Variants in AR observed in about 807,000 individuals in gnomAD.
AR encodes the protein dihydrotestosterone receptor.
Under a neutral mutation model 53.9 loss-of-function variants are expected in AR, and 8 were observed. That is an observed-to-expected ratio of 0.15 (90% CI 0.09 to 0.27). The LOEUF (loss-of-function observed/expected upper bound fraction) is 0.27, where lower values mean the gene tolerates loss of function less well. AR is among the 10% of genes least tolerant of loss of function. The pLI is 1.00. For missense variants in AR, 639 were observed against 742.5 expected (o/e 0.86, Z 1.62); for synonymous variants, 359 against 316.4 (o/e 1.13, Z -1.43).
intron 3 of AR, among the ~76,000 whole-genome samples, chrX:67,707,682 A>G (rs1255079285): frequency 8.9e-6 from 1 of 111,735 alleles, no homozygotes; most frequent in Non-Finnish European, 1.9e-5. Context: ...TGATCCTGTC[A>G]TTGTGATGTT....
intron 2 of AR, among the ~76,000 whole-genome samples, chrX:67,656,990 A>G (rs1926622647): frequency 9.0e-6 from 1 of 110,623 alleles, no homozygotes; most frequent in Non-Finnish European, 1.9e-5. Flanking sequence ...AAAATGAGAG[A>G]GAGAGATCAC....
chrX:67,619,331 CTG>C (rs749055716), intron 1 of AR, among the ~76,000 whole-genome samples: 77 of 103,386 alleles, frequency 7.4e-4, no homozygotes, highest in African/African-American at 1.7e-3. Context: ...CTCTCTCTCT[CTG>C]TGTGTGTGTG....
rs137852598 is a variant in AR, at chrX:67,722,948, C to T, written c.2571C>T (p.Phe857=). 17 of 1,211,806 alleles carry T rather than the reference C, an allele frequency of 1.4e-5. No individual in the cohort carries two copies. In the East Asian group the frequency reaches 1.5e-4, roughly 11 times the overall value. The change falls in exon 7 of 8, where the codon TTC becomes TTT. Residue 857 remains phenylalanine, a synonymous_variant. Transcript: ENST00000374690. The part of the protein sequence containing the change: ...RKNPTSCSRR[F]YQLTKLLDSV... ...ATCCCACATCCTGCTCAAGACGCTT[C>T]TACCAGCTCACCAAGCTCCTGGACT...
chrX:67,657,517 G>A (rs1043966876), intron 2 of AR, among the ~76,000 whole-genome samples: 5 of 111,488 alleles, frequency 4.5e-5, no homozygotes, highest in Admixed American at 1.9e-4. Flanking sequence ...TCCTCCACTA[G>A]ACTGAGCTCT....
At chrX:67,707,060 A>G (rs1290195453) in intron 3 of AR, among the ~76,000 whole-genome samples, 1 of 111,781 alleles carries the variant, frequency 8.9e-6, no homozygotes, top group East Asian at 2.8e-4. Context: ...GGAGTGTTTT[A>G]CTTCCAACTC....
intron 2 of AR, among the ~76,000 whole-genome samples, chrX:67,680,029 A>G (rs996189097): frequency 6.2e-5 from 7 of 112,425 alleles, no homozygotes; most frequent in Non-Finnish European, 1.1e-4. Flanking sequence ...TAGTACTTAC[A>G]TGATTTCCTC....
intron 5 of AR, among the ~76,000 whole-genome samples, chrX:67,721,209 A>G (rs2076134362): frequency 8.9e-6 from 1 of 111,785 alleles, no homozygotes; most frequent in Non-Finnish European, 1.9e-5. Context: ...ATTCAAAAAC[A>G]CTCCCTGGCA....
chrX:67,689,791 C>A, intron 3 of AR: 1 of 735,026 alleles, frequency 1.4e-6, no homozygotes, highest in Non-Finnish European at 1.7e-6. Context: ...CAAATGAGGA[C>A]CTTCCCTCCA....
At chrX:67,563,091 A>C (rs1319355326) in intron 1 of AR, among the ~76,000 whole-genome samples, 1 of 111,960 alleles carries the variant, frequency 8.9e-6, no homozygotes, top group Non-Finnish European at 1.9e-5. Flanking sequence ...GATGATTTTT[A>C]CAGTCACTTT....
At chrX:67,640,783 A>G (rs1014415742) in intron 1 of AR, among the ~76,000 whole-genome samples, 1 of 111,093 alleles carries the variant, frequency 9.0e-6, no homozygotes, top group African/African-American at 3.3e-5. Context: ...TAATTATCTA[A>G]TAATAACCAT....
intron 1 of AR, among the ~76,000 whole-genome samples, chrX:67,622,333 G>A (rs976409551): frequency 1.8e-5 from 2 of 110,878 alleles, no homozygotes; most frequent in Non-Finnish European, 3.8e-5. Flanking sequence ...AAAAAAAATT[G>A]GCTCACAGAA....
intron 2 of AR, among the ~76,000 whole-genome samples, chrX:67,644,707 G>A (rs112595843): frequency 0.065 from 7,218 of 111,297 alleles, 186 homozygotes; most frequent in Middle Eastern, 0.092. Flanking sequence ...TAAAACAGAA[G>A]CTGCCATGTT....
At chrX:67,580,979 T>G (rs1476891745) in intron 1 of AR, among the ~76,000 whole-genome samples, 1 of 112,196 alleles carries the variant, frequency 8.9e-6, no homozygotes, top group Non-Finnish European at 1.9e-5. Flanking sequence ...TTGAATAATC[T>G]AAGCCAAGAA....
At chrX:67,649,346 C>A (rs1030793200) in intron 2 of AR, among the ~76,000 whole-genome samples, 2 of 111,975 alleles carry the variant, frequency 1.8e-5, no homozygotes, top group African/African-American at 3.2e-5. Context: ...CGTATGCATG[C>A]GTCTTTATAG....
intron 1 of AR, among the ~76,000 whole-genome samples, chrX:67,555,913 A>C (rs1371795193): frequency 8.9e-6 from 1 of 112,498 alleles, no homozygotes; most frequent in Non-Finnish European, 1.9e-5. Context: ...ACCAGACAAT[A>C]AATAAGCTAC....
chrX:67,618,837 G>C (rs750042218), intron 1 of AR, among the ~76,000 whole-genome samples: 107 of 111,072 alleles, frequency 9.6e-4, no homozygotes, highest in Admixed American at 3.3e-3. Flanking sequence ...AAAGCTACAG[G>C]GGCATGAAAA....
chrX:67,683,983 G>A (rs1055495657), intron 2 of AR, among the ~76,000 whole-genome samples: 1 of 111,812 alleles, frequency 8.9e-6, no homozygotes, highest in East Asian at 2.8e-4. Flanking sequence ...TTCCATTGGT[G>A]GTGCAACCAT....
intron 1 of AR, among the ~76,000 whole-genome samples, chrX:67,593,126 A>G (rs1265428425): frequency 5.4e-5 from 6 of 111,079 alleles, no homozygotes; most frequent in African/African-American, 2.0e-4. Flanking sequence ...TTTACTCTTC[A>G]CTTTAGTTCT....
Position 67,730,586 on chromosome X carries a change from A to T in AR, c.*6745A>T, listed in dbSNP as rs2076175741. 1 of 167,298 alleles carries T rather than the reference A, an allele frequency of 6.0e-6. No homozygotes were observed. The highest frequency in any genetic ancestry group is 1.1e-5 in the Non-Finnish European group (1 of 87,088). The allele number at this position is 167,298 out of a possible 1,213,427, so 13.8% of individuals were successfully genotyped here. On this transcript the variant is annotated 3_prime_UTR_variant, in exon 8 of 8. Transcript: ENST00000374690. Reference sequence around the variant, plus strand: ...CTAATGTCCTCTTATCATTGTTGTTAATTTGTTAAAACATAAAGAAATCTA... The same window carrying T: ...CTAATGTCCTCTTATCATTGTTGTTTATTTGTTAAAACATAAAGAAATCTA...
Sources: allele counts gnomAD v4.1 joint callset (sites outside exome capture counted in the v4.1 genomes callset), GRCh38; gene constraint gnomAD v4.1.1; transcripts MANE v1.5; gene names NCBI Gene and HGNC (gene_info 2026-07-23, HGNC 2026-07-21).